Variants in COX15 observed in about 807,000 individuals in gnomAD.
The protein encoded by COX15 is heme A synthase COX15.
Under a neutral mutation model 51.9 loss-of-function variants are expected in COX15, and 51 were observed. The observed-to-expected ratio is 0.98, with a 90% CI of 0.78 to 1.24. The LOEUF (loss-of-function observed/expected upper bound fraction) is 1.24, where lower values mean the gene tolerates loss of function less well. COX15 is among the 50% of genes most tolerant of loss of function. The probability of loss-of-function intolerance (pLI) is 0.00; values close to 1 mark genes in which losing one functional copy is unlikely to be tolerated. For missense variants in COX15, 420 were observed against 501.1 expected (o/e 0.84, Z 1.55); for synonymous variants, 188 against 190.5 (o/e 0.99, Z 0.11).
In COX15 at chr10:99,711,802, CTG is replaced by C. The variant is rs1220473949; in HGVS notation, c.*2783_*2784del. ...GACAAACTGTTTTGCTAAGAATCAC[CTG>C]TGTTAGTCGGCTTGCATTGCTATAA... On this transcript the variant is annotated 3_prime_UTR_variant, in exon 9 of 9. Coordinates refer to ENST00000016171, the MANE Select transcript of COX15 (RefSeq NM_078470.6). 2.0e-6 allele frequency: 2 copies of C among 985,346 alleles called. No individual in the cohort carries two copies. The highest frequency in any genetic ancestry group is 2.4e-6 in the Non-Finnish European group (2 of 829,996). The allele number at this position is 985,346 out of a possible 1,614,324, so 61.0% of individuals were successfully genotyped here. A position where few individuals can be genotyped will look rare whatever the true frequency, so the allele number is the denominator to read the frequency against.
chr10:99,717,911 T>A (rs2036626153), intron 7 of COX15, among the ~76,000 whole-genome samples: 1 of 152,174 alleles, frequency 6.6e-6, no homozygotes, highest in Admixed American at 6.5e-5. Context: ...TTCGCTTAAA[T>A]AGAATGAAAA....
the COX15 span, chr10:99,695,864 T>C: frequency 9.0e-6 from 11 of 1,228,816 alleles, no homozygotes; most frequent in East Asian, 2.5e-5. Flanking sequence ...AGAGTAGTCA[T>C]AGAAATGAAG....
chr10:99,701,200 G>A, the COX15 span: 2 of 725,828 alleles, frequency 2.8e-6, no homozygotes, highest in East Asian at 2.7e-5. Flanking sequence ...CAGGGATAGG[G>A]GCCAAAATAG....
downstream of COX15, chr10:99,709,735 T>G: frequency 1.0e-6 from 1 of 985,430 alleles, no homozygotes; most frequent in Non-Finnish European, 1.2e-6. Context: ...AAGCCTGCTC[T>G]GTCTACTTAT....
intron 6 of COX15, among the ~76,000 whole-genome samples, chr10:99,718,938 C>T (rs558268165): frequency 8.9e-4 from 135 of 152,288 alleles, no homozygotes; most frequent in African/African-American, 2.7e-3. Context: ...AAAGAGATTT[C>T]GCTTGATGAT....
the COX15 span, chr10:99,700,947 G>A: frequency 6.3e-7 from 1 of 1,596,550 alleles, no homozygotes; most frequent in Non-Finnish European, 8.6e-7. Context: ...AATTCATGTT[G>A]CACTATTTCT....
At chr10:99,708,852 T>G, downstream of COX15, 32 of 985,440 alleles carry the variant, frequency 3.2e-5, no homozygotes, top group Non-Finnish European at 3.9e-5. Context: ...TACAATGAAA[T>G]GCTCATTAAC....
the COX15 span, among the ~76,000 whole-genome samples, chr10:99,695,135 A>T: frequency 6.6e-6 from 1 of 152,206 alleles, no homozygotes; most frequent in Non-Finnish European, 1.5e-5. Context: ...TCAAGAAAAA[A>T]ATATAGCACC....
At chr10:99,724,144 A>G in intron 4 of COX15, 21 bp from the exon 5 acceptor site, 1 of 1,613,770 alleles carries the variant, frequency 6.2e-7, no homozygotes, top group Non-Finnish European at 8.5e-7. Context: ...CAAGAGATGA[A>G]GCAAACAAAA....
the COX15 span, among the ~76,000 whole-genome samples, chr10:99,700,393 C>CGT: frequency 5.4e-3 from 561 of 103,622 alleles, 5 homozygotes; most frequent in African/African-American, 0.021. Context: ...TCCAACGTAC[C>CGT]GTGTGTGTGT....
chr10:99,725,372 T>C (rs1329834494), intron 4 of COX15, among the ~76,000 whole-genome samples: 1 of 152,232 alleles, frequency 6.6e-6, no homozygotes, highest in African/African-American at 2.4e-5. Context: ...TCTTCTCCCA[T>C]ACCTTATCTG....
intron 2 of COX15, among the ~76,000 whole-genome samples, chr10:99,729,119 C>T (rs1446010678): frequency 1.3e-5 from 2 of 152,264 alleles, no homozygotes; most frequent in East Asian, 1.9e-4. Flanking sequence ...TTTAAGGCCT[C>T]GGTTTCTCCA....
At chr10:99,726,090 G>A (rs945592430) in intron 4 of COX15, among the ~76,000 whole-genome samples, 1 of 151,804 alleles carries the variant, frequency 6.6e-6, no homozygotes, top group Admixed American at 6.6e-5. Context: ...CTTTCCTTAA[G>A]AGGCGCTCAA....
chr10:99,727,620 G>T (rs1032749700), intron 2 of COX15, 57 bp from the exon 3 acceptor site: 2 of 1,588,694 alleles, frequency 1.3e-6, no homozygotes, highest in Non-Finnish European at 1.7e-6. Context: ...ACTCACAAAA[G>T]GTTTATAGCA....
intron 4 of COX15, among the ~76,000 whole-genome samples, chr10:99,724,673 C>A (rs2036893349): frequency 6.6e-6 from 1 of 151,422 alleles, no homozygotes; most frequent in African/African-American, 2.4e-5. Flanking sequence ...CTGGGCCACA[C>A]TGGAAGAATT....
At chr10:99,731,326 G>A (rs1246308207) in intron 1 of COX15, among the ~76,000 whole-genome samples, 1 of 152,130 alleles carries the variant, frequency 6.6e-6, no homozygotes, top group Non-Finnish European at 1.5e-5. Context: ...TATATAATGA[G>A]ACCATGATAA....
chr10:99,698,883 C>G, the COX15 span: 1 of 1,561,708 alleles, frequency 6.4e-7, no homozygotes, highest in Non-Finnish European at 8.7e-7. Context: ...ATAAACATGG[C>G]TTATGCTGGC....
chr10:99,701,330 C>T, the COX15 span, among the ~76,000 whole-genome samples: 1 of 151,084 alleles, frequency 6.6e-6, no homozygotes, highest in Non-Finnish European at 1.5e-5. Context: ...CTTTGTTGCC[C>T]AGGCTGGAGT....
chr10:99,724,604 A>C (rs186625421), intron 4 of COX15, among the ~76,000 whole-genome samples: 23 of 152,176 alleles, frequency 1.5e-4, no homozygotes, highest in African/African-American at 5.3e-4. Context: ...AGTTCTTCAC[A>C]TATCACCATT....
Sources: allele counts gnomAD v4.1 joint callset (sites outside exome capture counted in the v4.1 genomes callset), GRCh38; gene constraint gnomAD v4.1.1; transcripts MANE v1.5; gene names NCBI Gene and HGNC (gene_info 2026-07-23, HGNC 2026-07-21).